The following RAB3C variants were observed in gnomAD, a reference collection of about 807,000 sequenced individuals.
The protein encoded by RAB3C is RAB3C, member RAS oncogene family.
A neutral mutation model predicts 26.4 loss-of-function variants in RAB3C; 17 were observed. The observed-to-expected ratio is 0.64, with a 90% CI of 0.44 to 0.97. The LOEUF (loss-of-function observed/expected upper bound fraction) is 0.97. Among genes scored for constraint, RAB3C ranks in the 50% least tolerant of loss-of-function variants. RAB3C has a pLI of 0.00. For missense variants in RAB3C, 242 were observed against 281.9 expected, an observed-to-expected ratio of 0.86 and a Z score of 1.01; for synonymous variants, 91 against 95.9, an observed-to-expected ratio of 0.95 and a Z score of 0.30.
intron 3 of RAB3C, among the ~76,000 whole-genome samples, chr5:58,782,122 T>C (rs144620626): frequency 4.9e-4 from 75 of 152,212 alleles, no homozygotes; most frequent in Admixed American, 7.2e-4. Flanking sequence ...GACTAAAAGA[T>C]GTAAGGTCAA....
chr5:58,688,866 T>C (rs1013886530), intron 2 of RAB3C, among the ~76,000 whole-genome samples: 1 of 152,112 alleles, frequency 6.6e-6, no homozygotes, highest in Non-Finnish European at 1.5e-5. Context: ...AAGTCAAACA[T>C]GTATTTGATT....
chr5:58,836,813 G>A (rs1476233031), intron 4 of RAB3C, among the ~76,000 whole-genome samples: 2 of 152,104 alleles, frequency 1.3e-5, no homozygotes, highest in Non-Finnish European at 2.9e-5. Context: ...TCCATATCTT[G>A]GCAATTGTGA....
In RAB3C at chr5:58,797,351, AAAATATGTATATATATAAT is replaced by A. The variant is rs1321393580; in HGVS notation, c.372-27685_372-27667del. On this transcript the variant is annotated intron_variant, in intron 3 of 4. Coordinates refer to ENST00000282878, the MANE Select transcript of RAB3C (RefSeq NM_138453.4). ...ACTCCCTGGAAGACAAAAAAAAAAA[AAAATATGTATATATATAAT>A]ATATATATATATATATATATATATA... 7.8e-3 allele frequency among the ~76,000 whole-genome samples: 172 copies of A among 22,078 alleles called. 10 individuals carry two copies. The highest frequency in any genetic ancestry group is 0.074 in the Middle Eastern group (5 of 68). 14.5% of individuals were successfully genotyped at this position (22,078 alleles called of 152,430 possible).
chr5:58,682,567 C>T (rs964969692), intron 2 of RAB3C, among the ~76,000 whole-genome samples: 2 of 151,976 alleles, frequency 1.3e-5, no homozygotes, highest in Non-Finnish European at 2.9e-5. Flanking sequence ...GCCTATAGTC[C>T]CAGCTACTGG....
intron 2 of RAB3C, among the ~76,000 whole-genome samples, chr5:58,633,987 A>C (rs1255404414): frequency 6.6e-6 from 1 of 151,470 alleles, no homozygotes; most frequent in African/African-American, 2.4e-5. Context: ...CAAAAAAAAA[A>C]AAAATTAGCC....
Position 58,735,185 on chromosome 5 carries a change from G to A in RAB3C, c.371+9065G>A, listed in dbSNP as rs184025067. On this transcript the variant is annotated intron_variant, in intron 3 of 4. Coordinates refer to ENST00000282878, the MANE Select transcript of RAB3C (RefSeq NM_138453.4). ...TTAAAGCAGCAAAGTCACCTGCAAC[G>A]AGCACAAAAATACGAAAAGCATAGC... 3.9e-5 allele frequency among the ~76,000 whole-genome samples: 6 copies of A among 152,248 alleles called. No homozygotes were observed. In the East Asian group the frequency reaches 5.8e-4, roughly 15 times the overall value.
rs2112096639 is a variant in RAB3C, at chr5:58,855,969, A to G, written c.*4618A>G. 1 of 152,310 alleles carries G rather than the reference A, an allele frequency of 6.6e-6. No individual in the cohort carries two copies. The highest frequency in any genetic ancestry group is 2.1e-4 in the South Asian group (1 of 4,826). 9.4% of individuals were successfully genotyped at this position (152,310 alleles called of 1,614,324 possible). ...CAGAAATGCTTGACACTCCGGTCAAATAATATTTCCCTTTGATAGATTGAA... is the reference window on the plus strand; with the variant it reads ...CAGAAATGCTTGACACTCCGGTCAAGTAATATTTCCCTTTGATAGATTGAA... On this transcript the variant is annotated 3_prime_UTR_variant, in exon 5 of 5. Transcript: ENST00000282878.
chr5:58,699,534 T>C (rs898789409), intron 2 of RAB3C, among the ~76,000 whole-genome samples: 2 of 152,208 alleles, frequency 1.3e-5, no homozygotes, highest in Non-Finnish European at 2.9e-5. Flanking sequence ...CTGCAGAAGT[T>C]GTCTGCTGCC....
chr5:58,706,288 T>C (rs1412894854), intron 2 of RAB3C, among the ~76,000 whole-genome samples: 1 of 152,176 alleles, frequency 6.6e-6, no homozygotes, highest in African/African-American at 2.4e-5. Context: ...TGAGCACCTC[T>C]GGATAAGCAT....
rs1205735466 is a variant in RAB3C at position 58,596,783 on chromosome 5, ATATAT to A, written c.24+13557_24+13561del. ...ATAAATATATAATATATAATACATAATATATTATATATAAATTTATAATATATAAT... is the reference window on the plus strand; with the variant it reads ...ATAAATATATAATATATAATACATAATATATATAAATTTATAATATATAAT... On this transcript the variant is annotated intron_variant, in intron 1 of 4. Transcript: ENST00000282878. Among the ~76,000 whole-genome samples, 20 of 103,604 alleles carry A rather than the reference ATATAT, an allele frequency of 1.9e-4. No individual in the cohort carries two copies. In the East Asian group the frequency reaches 4.2e-3, roughly 22 times the overall value. 68.0% of individuals were successfully genotyped at this position (103,604 alleles called of 152,430 possible).
At chr5:58,669,478 C>T (rs971325661) in intron 2 of RAB3C, among the ~76,000 whole-genome samples, 3 of 152,100 alleles carry the variant, frequency 2.0e-5, no homozygotes, top group Non-Finnish European at 4.4e-5. Context: ...CAACAACCTC[C>T]GTCAGCCTCA....
At position 58,705,606 on chromosome 5, in the gene RAB3C, G is replaced by T. The variant is rs184301138; in HGVS notation, c.253-20396G>T. Among the ~76,000 whole-genome samples, 523 of 152,240 alleles carry T rather than the reference G, an allele frequency of 3.4e-3. 9 individuals are homozygous for T. Among genetic ancestry groups the T allele is most frequent in the African/African-American group, 0.012 (499 of 41,552 alleles). On this transcript the variant is annotated intron_variant, in intron 2 of 4. Coordinates refer to ENST00000282878, the MANE Select transcript of RAB3C (RefSeq NM_138453.4). ...GTTAAAGAGAAATTTTCTTTTGAGG[G>T]AGAATATAAGTCTCTTGCAACTGTG...
At chr5:58,714,313 C>A (rs1487043238) in intron 2 of RAB3C, among the ~76,000 whole-genome samples, 1 of 152,022 alleles carries the variant, frequency 6.6e-6, no homozygotes, top group Non-Finnish European at 1.5e-5. Flanking sequence ...AGCCTGAAGA[C>A]AATGGAATGA....
At chr5:58,611,166 T>C (rs1474824194) in intron 1 of RAB3C, among the ~76,000 whole-genome samples, 1 of 152,218 alleles carries the variant, frequency 6.6e-6, no homozygotes, top group Middle Eastern at 3.2e-3. Flanking sequence ...ATCTTTGCTA[T>C]TGTGAATAGG....
intron 2 of RAB3C, among the ~76,000 whole-genome samples, chr5:58,722,543 G>C (rs770378325): frequency 4.0e-5 from 6 of 151,810 alleles, no homozygotes; most frequent in Admixed American, 6.6e-5. Context: ...CCAAATGTGG[G>C]AAAATTTTAA....
chr5:58,803,472 C>T (rs1407512027), intron 3 of RAB3C, among the ~76,000 whole-genome samples: 1 of 152,172 alleles, frequency 6.6e-6, no homozygotes, highest in Non-Finnish European at 1.5e-5. Flanking sequence ...TTATACTGCT[C>T]ACTACCAGAA....
At chr5:58,844,465 G>T (rs1334219334) in intron 4 of RAB3C, among the ~76,000 whole-genome samples, 1 of 152,166 alleles carries the variant, frequency 6.6e-6, no homozygotes, top group Non-Finnish European at 1.5e-5. Context: ...TTGATCAAAA[G>T]CCTTACCTCC....
In RAB3C at chr5:58,614,038, G is replaced by A. The variant is rs190706043; in HGVS notation, c.25-3605G>A. On this transcript the variant is annotated intron_variant, in intron 1 of 4. Coordinates refer to ENST00000282878, the MANE Select transcript of RAB3C (RefSeq NM_138453.4). ...ATGATGGATGCCATGAAAGGGACAT[G>A]GGATGGGTGGGAAGTTGCACGGCCT... Among the ~76,000 whole-genome samples the A allele has an allele frequency of 2.0e-5, 3 of 152,220 alleles. No individual in the cohort carries two copies. In the East Asian group the frequency reaches 5.8e-4, roughly 29 times the overall value.
In RAB3C at chr5:58,631,781, G is replaced by C. The variant is rs139211705; in HGVS notation, c.252+13911G>C. Among the ~76,000 whole-genome samples the C allele has an allele frequency of 2.6e-4, 40 of 152,146 alleles. No homozygotes were observed. In the East Asian group the frequency reaches 7.5e-3, roughly 29 times the overall value. On this transcript the variant is annotated intron_variant, in intron 2 of 4. Transcript: ENST00000282878. ...ATTTTGCAAAGCAATTAACCTTCAGGTTAAGACAAAACTCAGAATATTTTA... is the reference window on the plus strand; with the variant it reads ...ATTTTGCAAAGCAATTAACCTTCAGCTTAAGACAAAACTCAGAATATTTTA...
Sources: gnomAD v4.1 joint callset for allele counts (sites outside exome capture counted in the v4.1 genomes callset) on GRCh38, gnomAD v4.1.1 for gene constraint, MANE v1.5 for transcripts, NCBI Gene and HGNC (gene_info 2026-07-23, HGNC 2026-07-21) for gene names.